Variants in KMO observed in about 807,000 individuals in gnomAD.
The protein encoded by KMO is kynurenine 3-monooxygenase.
In KMO, 24 loss-of-function variants were observed where a neutral mutation model predicts 57.8. The ratio of observed to expected loss-of-function variants is 0.42; its 90% CI spans 0.30 to 0.58. The LOEUF is 0.58. Ranked by LOEUF, KMO falls within the 20% of genes least tolerant of loss-of-function variation. The probability of loss-of-function intolerance (pLI) is 0.22; values close to 1 mark genes in which losing one functional copy is unlikely to be tolerated. For synonymous variants in KMO, 210 were observed against 193.6 expected (o/e 1.08, Z -0.70); for missense variants, 483 against 588.2 (o/e 0.82, Z 1.85).
chr1:241,575,695 G>A (rs1158282010), intron 10 of KMO, among the ~76,000 whole-genome samples: 1 of 152,014 alleles, frequency 6.6e-6, no homozygotes, highest in Non-Finnish European at 1.5e-5. Context: ...CTACCATATG[G>A]TTTATCTTGA....
chr1:241,556,764 C>G (rs371452111), intron 5 of KMO, among the ~76,000 whole-genome samples: 2 of 152,074 alleles, frequency 1.3e-5, no homozygotes, highest in Non-Finnish European at 2.9e-5. Flanking sequence ...TGGCACATGC[C>G]GGTAATCCCA....
Position 241,555,594 on chromosome 1 carries a change from A to T in KMO, c.313-18A>T. 1 of 1,418,914 alleles carries T rather than the reference A, an allele frequency of 7.0e-7. No homozygotes were observed. The highest frequency in any genetic ancestry group is 9.9e-7 in the Non-Finnish European group (1 of 1,005,658). The allele number at this position is 1,418,914 out of a possible 1,614,324, so 87.9% of individuals were successfully genotyped here. A position where few individuals can be genotyped will look rare whatever the true frequency, so the allele number is the denominator to read the frequency against. On this transcript the variant is annotated intron_variant, in intron 4 of 14. Coordinates refer to ENST00000366559, the MANE Select transcript of KMO (RefSeq NM_003679.5). Reference sequence around the variant, plus strand: ...CATTCACCAGAAACAAACAGTATCTACTCTACTTTTCTTGCAGTATATTCT... The same window carrying T: ...CATTCACCAGAAACAAACAGTATCTTCTCTACTTTTCTTGCAGTATATTCT...
intron 5 of KMO, among the ~76,000 whole-genome samples, chr1:241,557,205 A>G (rs1041885257): frequency 1.3e-5 from 2 of 152,216 alleles, no homozygotes; most frequent in Admixed American, 1.3e-4. Flanking sequence ...CTGGATTACA[A>G]ATTAAATTTG....
intron 8 of KMO, 112 bp downstream of exon 8, chr1:241,565,170 C>T: frequency 1.5e-6 from 1 of 659,798 alleles, no homozygotes; most frequent in Admixed American, 2.7e-5. Flanking sequence ...ATTGTTTAAT[C>T]CATTTAGTGA....
At chr1:241,549,202 G>GAAGAAAGAAAGA (rs71570903) in intron 2 of KMO, among the ~76,000 whole-genome samples, 2 of 19,924 alleles carry the variant, frequency 1.0e-4, no homozygotes, top group African/African-American at 1.6e-4. Context: ...GAAAGAAAAG[G>GAAGAAAGAAAGA]AAGAAAGAAA....
intron 9 of KMO, among the ~76,000 whole-genome samples, chr1:241,567,679 A>G (rs1340541834): frequency 6.6e-6 from 1 of 152,236 alleles, no homozygotes; most frequent in African/African-American, 2.4e-5. Flanking sequence ...GGGATAACCC[A>G]CTGCTGGCCC....
intron 1 of KMO, among the ~76,000 whole-genome samples, chr1:241,546,982 A>G (rs1315268152): frequency 6.6e-6 from 1 of 152,140 alleles, no homozygotes; most frequent in Non-Finnish European, 1.5e-5. Flanking sequence ...AAAATGAGAG[A>G]AGGTTAATGT....
At chr1:241,588,329 C>CTTTTTTTTT (rs57587351) in intron 11 of KMO, among the ~76,000 whole-genome samples, 2,117 of 98,204 alleles carry the variant, frequency 0.022, no homozygotes, top group Non-Finnish European at 0.028. Context: ...TCTTTTTTTT[C>CTTTTTTTTT]TTTTTTTTTT....
At chr1:241,555,500 G>A (rs1053523089) in intron 4 of KMO, 112 bp from the exon 5 acceptor site, 2 of 577,052 alleles carry the variant, frequency 3.5e-6, no homozygotes, top group African/African-American at 1.9e-5. Context: ...ATAAAACTAA[G>A]CTTGCAACCC....
chr1:241,589,743 C>A (rs1400415440), intron 12 of KMO, among the ~76,000 whole-genome samples: 3 of 152,112 alleles, frequency 2.0e-5, no homozygotes, highest in Non-Finnish European at 4.4e-5. Context: ...TTAAACAAAC[C>A]CTCTGCTGAA....
chr1:241,574,647 TG>T (rs1662438397), intron 10 of KMO, among the ~76,000 whole-genome samples: 1 of 152,108 alleles, frequency 6.6e-6, no homozygotes, highest in Non-Finnish European at 1.5e-5. Flanking sequence ...ATCTTTTTGA[TG>T]TGCTGTTGGA....
At chr1:241,556,303 T>C (rs913100896) in intron 5 of KMO, among the ~76,000 whole-genome samples, 1 of 151,990 alleles carries the variant, frequency 6.6e-6, no homozygotes, top group Non-Finnish European at 1.5e-5. Flanking sequence ...ACGACCAATT[T>C]TTTTACATTT....
At chr1:241,539,659 G>C (rs3007744) in intron 1 of KMO, among the ~76,000 whole-genome samples, 1 of 152,050 alleles carries the variant, frequency 6.6e-6, no homozygotes, top group Non-Finnish European at 1.5e-5. Context: ...CTCCTCTTAC[G>C]CTCTAGACCA....
At chr1:241,586,556 C>G (rs747252362) in intron 10 of KMO, 123 bp from the exon 11 acceptor site, 3 of 728,556 alleles carry the variant, frequency 4.1e-6, no homozygotes, top group Admixed American at 3.9e-5. Flanking sequence ...CTGCTATGTA[C>G]TAGTTGAGAA....
chr1:241,572,182 A>AGG (rs1366169245), intron 10 of KMO, among the ~76,000 whole-genome samples: 2 of 151,860 alleles, frequency 1.3e-5, no homozygotes, highest in Non-Finnish European at 2.9e-5. Context: ...GTTCCTTTTT[A>AGG]AATGTTTTGT....
At chr1:241,578,136 A>G (rs924159262) in intron 10 of KMO, among the ~76,000 whole-genome samples, 1 of 152,114 alleles carries the variant, frequency 6.6e-6, no homozygotes, top group South Asian at 2.1e-4. Context: ...ATGGCTGTCT[A>G]TAGGCCACCC....
At chr1:241,545,420 C>T (rs563614677) in intron 1 of KMO, among the ~76,000 whole-genome samples, 11 of 152,254 alleles carry the variant, frequency 7.2e-5, no homozygotes, top group African/African-American at 1.7e-4. Flanking sequence ...ATCAAGGTGT[C>T]GGCAGGGTTG....
intron 1 of KMO, among the ~76,000 whole-genome samples, chr1:241,543,504 C>T (rs1369885950): frequency 6.6e-6 from 1 of 152,044 alleles, no homozygotes; most frequent in Non-Finnish European, 1.5e-5. Context: ...TTCGTTCATT[C>T]CACTCTGATA....
Position 241,555,677 on chromosome 1 carries a change from A to G in KMO, c.361+17A>G. The stretch of plus-strand genomic sequence containing the variant: ...TATTGACTGGTAAGTCTAATGTTTG[A>G]TTCATCAGTTGTCATTTTGAGTAAA... On this transcript the variant is annotated intron_variant, in intron 5 of 14. Coordinates refer to ENST00000366559, the MANE Select transcript of KMO (RefSeq NM_003679.5). 6.7e-7 allele frequency: 1 copy of G among 1,485,072 alleles called. No homozygotes were observed. Among genetic ancestry groups the G allele is most frequent in the Non-Finnish European group, 9.4e-7 (1 of 1,065,698 alleles). 92.0% of individuals were successfully genotyped at this position (1,485,072 alleles called of 1,614,324 possible). A position where few individuals can be genotyped will look rare whatever the true frequency, so the allele number is the denominator to read the frequency against.
Sources: gnomAD v4.1 joint callset for allele counts (sites outside exome capture counted in the v4.1 genomes callset) on GRCh38, gnomAD v4.1.1 for gene constraint, MANE v1.5 for transcripts, NCBI Gene and HGNC (gene_info 2026-07-23, HGNC 2026-07-21) for gene names.